KDM3B: variants seen among roughly 807,000 people sequenced by gnomAD.
KDM3B encodes lysine demethylase 3B.
In KDM3B, 10 loss-of-function variants were observed where a neutral mutation model predicts 170.0. The observed-to-expected ratio is 0.06, with a 90% CI of 0.04 to 0.10. The LOEUF is 0.10. Among genes scored for constraint, KDM3B ranks in the 10% least tolerant of loss-of-function variants. The pLI is 1.00. For missense variants in KDM3B, 1,394 were observed against 2,195.2 expected (o/e 0.64, Z 7.29); for synonymous variants, 831 against 834.8 (o/e 1.00, Z 0.08).
At chr5:138,385,245 TC>T (rs1384593140) in intron 6 of KDM3B, among the ~76,000 whole-genome samples, 1 of 152,112 alleles carries the variant, frequency 6.6e-6, no homozygotes, top group African/African-American at 2.4e-5. Context: ...GGTCTCAAAC[TC>T]CTGACCTCAG....
At chr5:138,361,961 T>C (rs1414029020) in intron 1 of KDM3B, among the ~76,000 whole-genome samples, 1 of 152,156 alleles carries the variant, frequency 6.6e-6, no homozygotes, top group African/African-American at 2.4e-5. Context: ...CTGAAGGCAC[T>C]TGGGGAGCAG....
chr5:138,413,455 T>C (rs1763025848), intron 11 of KDM3B, among the ~76,000 whole-genome samples: 1 of 152,044 alleles, frequency 6.6e-6, no homozygotes, highest in Non-Finnish European at 1.5e-5. Flanking sequence ...TAAATATTGC[T>C]GGTAGGAATG....
In KDM3B at chr5:138,419,145, C is replaced by T; in HGVS notation, c.3628C>T (p.Pro1210Ser). Reference sequence around the variant, plus strand: ...CAATAGTGAACTGAAAGCCATCAGGCCTCCTTGCCCTGACACGGCCCCACC... The same window carrying T: ...CAATAGTGAACTGAAAGCCATCAGGTCTCCTTGCCCTGACACGGCCCCACC... ...NSNSELKAIR[P>S]PCPDTAPPSS... Residue 1210 changes from proline (P) to serine (S), a missense_variant, in exon 14 of 24, where the codon CCT (proline) becomes TCT (serine). Pro to Ser is a moderately conservative substitution (Grantham distance 74, BLOSUM62 -1). This residue lies in a region of KDM3B where 87 missense variants were observed against 83.3 expected (regional missense o/e 1.04). Transcript: ENST00000314358. 1 of 1,614,198 alleles carries T rather than the reference C, an allele frequency of 6.2e-7. No individual in the cohort carries two copies. Among genetic ancestry groups the T allele is most frequent in the Non-Finnish European group, 8.5e-7 (1 of 1,180,020 alleles).
At chr5:138,430,189 T>G (rs1346086492) in intron 21 of KDM3B, 60 bp from the exon 22 acceptor site, 108 of 1,566,788 alleles carry the variant, frequency 6.9e-5, no homozygotes, top group Admixed American at 8.8e-5. Flanking sequence ...TGCAGCAAGT[T>G]GGATTTATGC....
At chr5:138,381,624 A>C in intron 6 of KDM3B, 34 bp downstream of exon 6, 2 of 1,304,884 alleles carry the variant, frequency 1.5e-6, no homozygotes, top group African/African-American at 1.4e-5. Context: ...GAGCAGACTC[A>C]TGAGCTTGCA....
At chr5:138,421,778 G>T (rs758120298) in intron 15 of KDM3B, among the ~76,000 whole-genome samples, 5 of 152,176 alleles carry the variant, frequency 3.3e-5, no homozygotes, top group Admixed American at 2.0e-4. Flanking sequence ...ATCCTTCAAG[G>T]GCTTCCTTTT....
At position 138,356,557 on chromosome 5, in the gene KDM3B, ACT is replaced by A. The variant is rs1364662641; in HGVS notation, c.192+3575_192+3576del. 2.1e-5 allele frequency among the ~76,000 whole-genome samples: 3 copies of A among 145,698 alleles called. No homozygotes were observed. In the East Asian group the frequency reaches 6.0e-4, roughly 29 times the overall value. ...TGAGAAAAATAGGAGTTGTCTTACC[ACT>A]CTCTGCAAGTTCTGTGCATGGATAT... On this transcript the variant is annotated intron_variant, in intron 1 of 23. Transcript: ENST00000314358.
rs1763530621 is a variant in KDM3B at position 138,431,505 on chromosome 5, T to G, written c.5151T>G (p.Thr1717=). ...PEHVKHCFRL[T]QEFRHLSNTH... ...ATGTAAAGCACTGTTTCCGCCTGAC[T>G]CAGGAATTCAGGCATCTCTCTAACA... The change falls in exon 23 of 24, where the codon ACT becomes ACG. Residue 1717 remains threonine (T), a synonymous_variant. Transcript: ENST00000314358. 2 of 1,612,432 alleles carry G rather than the reference T, an allele frequency of 1.2e-6. No individual in the cohort carries two copies. Among genetic ancestry groups the G allele is most frequent in the Non-Finnish European group, 1.7e-6 (2 of 1,179,528 alleles).
chr5:138,412,593 G>A (rs1763000933), intron 11 of KDM3B, among the ~76,000 whole-genome samples: 1 of 152,050 alleles, frequency 6.6e-6, no homozygotes, highest in South Asian at 2.1e-4. Flanking sequence ...GGTTGAGGCT[G>A]CAGTGAGCCA....
At chr5:138,385,549 G>A (rs778165837) in intron 6 of KDM3B, among the ~76,000 whole-genome samples, 1 of 152,176 alleles carries the variant, frequency 6.6e-6, no homozygotes, top group Non-Finnish European at 1.5e-5. Flanking sequence ...CTTTTCCTTT[G>A]GTCACAGACT....
At chr5:138,370,002 C>T (rs1162177161) in intron 1 of KDM3B, among the ~76,000 whole-genome samples, 4 of 152,132 alleles carry the variant, frequency 2.6e-5, no homozygotes, top group African/African-American at 2.4e-5. Flanking sequence ...AAGCTTTGTA[C>T]GTTATGCTGC....
chr5:138,408,382 C>T (rs1182669826), intron 11 of KDM3B, among the ~76,000 whole-genome samples: 7 of 145,278 alleles, frequency 4.8e-5, no homozygotes, highest in African/African-American at 1.5e-4. Flanking sequence ...TTTGCTCCTA[C>T]ACTCCTTAAA....
intron 15 of KDM3B, among the ~76,000 whole-genome samples, chr5:138,423,029 TCCC>T (rs2126997189): frequency 6.6e-6 from 1 of 152,300 alleles, no homozygotes; most frequent in East Asian, 1.9e-4. Context: ...AGCCTCCACT[TCCC>T]AGGTTCAAGC....
chr5:138,426,791 A>G (rs573558084), intron 17 of KDM3B, 184 bp from the exon 18 acceptor site: 1 of 508,926 alleles, frequency 2.0e-6, no homozygotes, highest in East Asian at 3.3e-5. Flanking sequence ...CTCAGGGAGA[A>G]TCGCTTGAAC....
chr5:138,354,090 T>G (rs1761395422), intron 1 of KDM3B, among the ~76,000 whole-genome samples: 1 of 152,222 alleles, frequency 6.6e-6, no homozygotes. Flanking sequence ...AGTAATGTTG[T>G]AGGCTTCCGA....
intron 15 of KDM3B, among the ~76,000 whole-genome samples, chr5:138,421,487 G>T (rs1763272640): frequency 6.6e-6 from 1 of 152,124 alleles, no homozygotes; most frequent in Admixed American, 6.5e-5. Flanking sequence ...TTTCAAATTT[G>T]ATCTTCAAAC....
intron 2 of KDM3B, 109 bp from the exon 3 acceptor site, chr5:138,374,984 T>G (rs555740160): frequency 2.9e-6 from 2 of 683,564 alleles, no homozygotes; most frequent in Non-Finnish European, 5.3e-6. Flanking sequence ...TATCTGTATT[T>G]ACTGGGATGA....
chr5:138,388,244 A>G (rs1188514326), intron 7 of KDM3B, among the ~76,000 whole-genome samples: 1 of 152,066 alleles, frequency 6.6e-6, no homozygotes, highest in Non-Finnish European at 1.5e-5. Context: ...TTGAAAGAGT[A>G]TTTTCTTTTA....
intron 1 of KDM3B, among the ~76,000 whole-genome samples, chr5:138,369,127 C>T (rs1291369111): frequency 1.3e-5 from 2 of 152,268 alleles, no homozygotes; most frequent in Non-Finnish European, 2.9e-5. Context: ...CATGGAACCT[C>T]AACCTCTGGT....
Sources: allele counts gnomAD v4.1 joint callset (sites outside exome capture counted in the v4.1 genomes callset), GRCh38; gene constraint gnomAD v4.1.1; regional missense constraint gnomAD v4.1.1; transcripts MANE v1.5; gene names NCBI Gene and HGNC (gene_info 2026-07-23, HGNC 2026-07-21).